Variants in RIMS1 observed in about 807,000 individuals in gnomAD.
RIMS1 encodes the protein regulating synaptic membrane exocytosis 1.
A neutral mutation model predicts 214.1 loss-of-function variants in RIMS1; 83 were observed. The observed-to-expected ratio is 0.39, with a 90% CI of 0.32 to 0.47. The LOEUF (loss-of-function observed/expected upper bound fraction) is 0.47, where lower values mean the gene tolerates loss of function less well. RIMS1 is among the 20% of genes least tolerant of loss of function. The probability of loss-of-function intolerance (pLI) is 0.99; values close to 1 mark genes in which losing one functional copy is unlikely to be tolerated. For missense variants in RIMS1, 2,050 were observed against 2,161.8 expected (o/e 0.95, Z 1.03); for synonymous variants, 793 against 786.8 (o/e 1.01, Z -0.13).
chr6:72,301,488 G>A (rs1458861884), intron 26 of RIMS1, among the ~76,000 whole-genome samples: 1 of 151,582 alleles, frequency 6.6e-6, no homozygotes, highest in Non-Finnish European at 1.5e-5. Flanking sequence ...ACCAACCATG[G>A]ATCAAAAATG....
chr6:72,123,926 A>G (rs2038963796), intron 4 of RIMS1, among the ~76,000 whole-genome samples: 1 of 151,820 alleles, frequency 6.6e-6, no homozygotes, highest in African/African-American at 2.4e-5. Flanking sequence ...CTCTTTATCC[A>G]ATTTGCCAGT....
At chr6:72,081,727 A>G (rs1473908557) in intron 2 of RIMS1, among the ~76,000 whole-genome samples, 1 of 152,164 alleles carries the variant, frequency 6.6e-6, no homozygotes, top group Non-Finnish European at 1.5e-5. Flanking sequence ...ATAAATTAAA[A>G]ATCCTTCTGA....
At chr6:72,326,011 G>A (rs1459525423) in intron 28 of RIMS1, among the ~76,000 whole-genome samples, 1 of 151,754 alleles carries the variant, frequency 6.6e-6, no homozygotes, top group Admixed American at 6.6e-5. Context: ...TTAGTAACTT[G>A]TGTATTGATC....
intron 2 of RIMS1, among the ~76,000 whole-genome samples, chr6:72,093,281 C>T (rs1836854196): frequency 7.1e-6 from 1 of 140,676 alleles, no homozygotes; most frequent in Non-Finnish European, 1.6e-5. Flanking sequence ...CACATACACA[C>T]ACAAAGAGAA....
intron 6 of RIMS1, among the ~76,000 whole-genome samples, chr6:72,227,688 C>T (rs372386789): frequency 5.3e-4 from 81 of 152,042 alleles, no homozygotes; most frequent in African/African-American, 1.8e-3. Context: ...AGGATGGCAC[C>T]ACAGGGCTTC....
intron 4 of RIMS1, among the ~76,000 whole-genome samples, chr6:72,162,037 T>C (rs2045510027): frequency 7.1e-6 from 1 of 140,662 alleles, no homozygotes; most frequent in African/African-American, 2.5e-5. Flanking sequence ...TCTTTGTAGG[T>C]GTCTAAGGAC....
At chr6:71,908,197 A>G (rs1180748122) in intron 1 of RIMS1, among the ~76,000 whole-genome samples, 1 of 152,126 alleles carries the variant, frequency 6.6e-6, no homozygotes, top group East Asian at 1.9e-4. Context: ...CTAACTTGGG[A>G]GAAATTTAGT....
chr6:72,017,676 A>G (rs1813223326), intron 2 of RIMS1, among the ~76,000 whole-genome samples: 1 of 152,252 alleles, frequency 6.6e-6, no homozygotes. Context: ...AGGAAGAGTC[A>G]TGATAAATAG....
At chr6:72,243,667 C>T (rs1392792074) in intron 10 of RIMS1, among the ~76,000 whole-genome samples, 3 of 151,544 alleles carry the variant, frequency 2.0e-5, no homozygotes, top group Non-Finnish European at 4.4e-5. Context: ...AAGTAAACAG[C>T]AAAAACAGAA....
intron 22 of RIMS1, among the ~76,000 whole-genome samples, chr6:72,270,429 A>G (rs1217821737): frequency 6.6e-6 from 1 of 152,202 alleles, no homozygotes. Flanking sequence ...TTCCATCTAT[A>G]GTGACAACAT....
At chr6:72,011,910 A>G (rs1810777993) in intron 2 of RIMS1, among the ~76,000 whole-genome samples, 1 of 152,210 alleles carries the variant, frequency 6.6e-6, no homozygotes, top group African/African-American at 2.4e-5. Context: ...ACCATTGTGG[A>G]AGTCAGTGTG....
chr6:72,378,577 C>G (rs1448315879), intron 29 of RIMS1, among the ~76,000 whole-genome samples: 1 of 152,122 alleles, frequency 6.6e-6, no homozygotes, highest in African/African-American at 2.4e-5. Context: ...TGCCTGTAAT[C>G]CCAGCACTTT....
At chr6:71,966,418 G>T (rs1199719035) in intron 1 of RIMS1, among the ~76,000 whole-genome samples, 1 of 152,122 alleles carries the variant, frequency 6.6e-6, no homozygotes, top group Non-Finnish European at 1.5e-5. Flanking sequence ...AACATACATA[G>T]ACAGAAACAG....
chr6:72,329,982 T>A (rs1339787267), intron 28 of RIMS1, among the ~76,000 whole-genome samples: 1 of 151,736 alleles, frequency 6.6e-6, no homozygotes, highest in Non-Finnish European at 1.5e-5. Flanking sequence ...AGCATATAGA[T>A]ACTACATAAT....
chr6:72,144,580 A>G (rs113431629), intron 4 of RIMS1, among the ~76,000 whole-genome samples: 1,696 of 151,996 alleles, frequency 0.011, 10 homozygotes, highest in Non-Finnish European at 0.017. Flanking sequence ...ATTTGGGTGC[A>G]TGGGGCTTCG....
intron 1 of RIMS1, among the ~76,000 whole-genome samples, chr6:71,935,007 A>G (rs1427140019): frequency 1.3e-5 from 2 of 152,226 alleles, no homozygotes; most frequent in Non-Finnish European, 2.9e-5. Context: ...GAGACCAGTG[A>G]TAAAGTAAGC....
At chr6:71,981,785 AT>A (rs901541197) in intron 2 of RIMS1, among the ~76,000 whole-genome samples, 20 of 151,168 alleles carry the variant, frequency 1.3e-4, no homozygotes, top group African/African-American at 3.6e-4. Context: ...GCCTTAGTTT[AT>A]TTTTTTTTAA....
chr6:72,187,125 A>G (rs1445786279), intron 6 of RIMS1, among the ~76,000 whole-genome samples: 1 of 152,110 alleles, frequency 6.6e-6, no homozygotes, highest in Non-Finnish European at 1.5e-5. Context: ...GACCCCGTCA[A>G]GAAGGAAAGA....
intron 2 of RIMS1, among the ~76,000 whole-genome samples, chr6:71,980,544 T>C (rs187226688): frequency 1.4e-3 from 218 of 152,226 alleles, no homozygotes; most frequent in African/African-American, 5.1e-3. Context: ...AGTTTATGAA[T>C]GTCCTTGAAG....
Sources: gnomAD v4.1 joint callset for allele counts (sites outside exome capture counted in the v4.1 genomes callset) on GRCh38, gnomAD v4.1.1 for gene constraint, MANE v1.5 for transcripts, NCBI Gene and HGNC (gene_info 2026-07-23, HGNC 2026-07-21) for gene names.